The following C4BPA variants were observed in gnomAD, a reference collection of about 807,000 sequenced individuals.
C4BPA encodes C4b-binding protein alpha chain.
Under a neutral mutation model 63.7 loss-of-function variants are expected in C4BPA, and 31 were observed. The observed-to-expected ratio is 0.49, with a 90% CI of 0.37 to 0.66. C4BPA has a LOEUF of 0.66. Ranked by LOEUF, C4BPA falls within the 30% of genes least tolerant of loss-of-function variation. The pLI is 0.00. For missense variants in C4BPA, 572 were observed against 723.3 expected, an observed-to-expected ratio of 0.79 and a Z score of 2.40; for synonymous variants, 259 against 254.7, an observed-to-expected ratio of 1.02 and a Z score of -0.16.
chr1:207,112,350 GT>G (rs61668698), intron 1 of C4BPA, among the ~76,000 whole-genome samples: 3,445 of 114,158 alleles, frequency 0.03, 65 homozygotes, highest in Admixed American at 0.069. Flanking sequence ...CTGCCTTTTT[GT>G]TTTTTTTTTT....
At chr1:207,141,397 A>G in intron 10 of C4BPA, 121 bp downstream of exon 10, 1 of 699,300 alleles carries the variant, frequency 1.4e-6, no homozygotes, top group Non-Finnish European at 2.3e-6. Context: ...TTTATATTAA[A>G]TAATCAATAT....
intron 11 of C4BPA, 43 bp from the exon 12 acceptor site, chr1:207,144,501 G>T: frequency 6.6e-7 from 1 of 1,524,668 alleles, no homozygotes; most frequent in East Asian, 2.3e-5. Flanking sequence ...TTTATGATTA[G>T]AAGAGAAGCT....
At chr1:207,121,416 T>C (rs577807749) in intron 4 of C4BPA, among the ~76,000 whole-genome samples, 12 of 150,202 alleles carry the variant, frequency 8.0e-5, no homozygotes, top group African/African-American at 1.9e-4. Context: ...GATGTCCAAC[T>C]TATGGGATAT....
intron 1 of C4BPA, among the ~76,000 whole-genome samples, chr1:207,105,428 A>G (rs941353999): frequency 6.6e-6 from 1 of 151,910 alleles, no homozygotes; most frequent in East Asian, 1.9e-4. Flanking sequence ...ATGGTGGCAC[A>G]TGTCTGTAAT....
intron 1 of C4BPA, among the ~76,000 whole-genome samples, chr1:207,110,199 G>A (rs1255912727): frequency 2.0e-5 from 3 of 152,166 alleles, no homozygotes; most frequent in African/African-American, 7.2e-5. Context: ...GGTATGTGGA[G>A]GCTTGCTTGG....
intron 7 of C4BPA, among the ~76,000 whole-genome samples, chr1:207,130,396 C>A (rs1239277958): frequency 6.6e-6 from 1 of 152,116 alleles, no homozygotes; most frequent in African/African-American, 2.4e-5. Context: ...TTTTTGCAGT[C>A]CTGCTGAAGT....
intron 7 of C4BPA, chr1:207,127,443 C>T (rs1011377371): frequency 6.6e-6 from 1 of 152,154 alleles, no homozygotes; most frequent in South Asian, 2.1e-4. Context: ...TCAACAAATC[C>T]TCCCAACAAT....
intron 4 of C4BPA, among the ~76,000 whole-genome samples, chr1:207,121,269 G>A (rs987741432): frequency 8.6e-5 from 13 of 151,730 alleles, no homozygotes; most frequent in African/African-American, 3.1e-4. Context: ...TATTTTTCTT[G>A]TCTCATATAC....
intron 1 of C4BPA, among the ~76,000 whole-genome samples, chr1:207,107,038 T>C (rs1207882763): frequency 6.6e-6 from 1 of 152,104 alleles, no homozygotes; most frequent in Non-Finnish European, 1.5e-5. Flanking sequence ...AGCAAATAGA[T>C]AGTTAGGATA....
At chr1:207,140,556 C>T (rs1290863240) in intron 9 of C4BPA, among the ~76,000 whole-genome samples, 1 of 151,228 alleles carries the variant, frequency 6.6e-6, no homozygotes, top group Non-Finnish European at 1.5e-5. Context: ...ATAGTGTTCC[C>T]TTTCAGAGAG....
Position 207,131,670 on chromosome 1 carries a change from C to T in C4BPA, c.1014C>T (p.Pro338=), listed in dbSNP as rs771363349. The change falls in exon 8 of 12, where the codon CCC becomes CCT. Residue 338 remains proline (P), a synonymous_variant. Transcript: ENST00000367070. ...ACCGCTGTCATCCTGGCTACAAACC[C>T]ACTACAGATGAGCCTACGACTGTGA... ...LRYRCHPGYK[P]TTDEPTTVIC... is the part of the protein sequence containing the mutation. 5 of 1,613,916 alleles carry T rather than the reference C, an allele frequency of 3.1e-6. No homozygotes were observed. The highest frequency in any genetic ancestry group is 4.2e-6 in the Non-Finnish European group (5 of 1,179,904).
intron 8 of C4BPA, among the ~76,000 whole-genome samples, chr1:207,133,949 G>A (rs1336133958): frequency 6.6e-6 from 1 of 152,130 alleles, no homozygotes; most frequent in African/African-American, 2.4e-5. Context: ...GTAAATGGAT[G>A]TTGTTTGTCA....
Position 207,124,469 on chromosome 1 carries a change from AAACT to A in C4BPA, c.706+109_706+112del, listed in dbSNP as rs759419196. 6.8e-4 allele frequency: 563 copies of A among 826,002 alleles called. 2 individuals are homozygous for A. The Middle Eastern group carries it at 9.3e-3, about 14-fold the overall frequency. The allele number at this position is 826,002 out of a possible 1,614,324, so 51.2% of individuals were successfully genotyped here. On this transcript the variant is annotated intron_variant, in intron 6 of 11. Transcript: ENST00000367070. ...GGGGGCAAATGGAAAATTCAAAGAT[AAACT>A]AACTATCGCTCTGATGCAATCATTT...
Position 207,143,752 on chromosome 1 carries a change from C to CCGAGACTGTTAT in C4BPA, c.1445-64_1445-53dup, listed in dbSNP as rs1181114345. The CCGAGACTGTTAT allele has an allele frequency of 5.5e-6, 6 of 1,093,696 alleles. No homozygotes were observed. The Admixed American group carries it at 1.1e-4, about 20-fold the overall frequency. 67.7% of individuals were successfully genotyped at this position (1,093,696 alleles called of 1,614,324 possible). ...ACTAAATACAGTTCATTCTTATTAT[C>CCGAGACTGTTAT]CGAGACTGTTATCATGTCCTTCTTC... On this transcript the variant is annotated intron_variant, in intron 10 of 11. Transcript: ENST00000367070.
chr1:207,131,374 T>G (rs1011853439), intron 7 of C4BPA, among the ~76,000 whole-genome samples, 172 bp from the exon 8 acceptor site: 3 of 152,188 alleles, frequency 2.0e-5, no homozygotes, highest in African/African-American at 7.2e-5. Flanking sequence ...GGTGTGCACA[T>G]TTGAGCGAAT....
chr1:207,105,684 C>A (rs1465900554), intron 1 of C4BPA, among the ~76,000 whole-genome samples: 1 of 151,966 alleles, frequency 6.6e-6, no homozygotes, highest in Admixed American at 6.6e-5. Context: ...AGACACTCAG[C>A]CCGAGACTGG....
chr1:207,134,460 A>C lies in C4BPA; in HGVS notation c.1141A>C (p.Ser381Arg), dbSNP rs1558095795. The C allele has an allele frequency of 6.2e-7, 1 of 1,613,860 alleles. No individual in the cohort carries two copies. Among genetic ancestry groups the C allele is most frequent in the African/African-American group, 1.3e-5 (1 of 75,034 alleles). The change falls in exon 9 of 12, where the codon AGT (serine) becomes CGT (arginine). Residue 381 changes from serine (S) to arginine (R), a missense_variant. Around this residue, in one of 2 missense-constraint regions of C4BPA, gnomAD observed 465 missense variants for 629.4 expected, o/e 0.74. Transcript: ENST00000367070. ...TGGTGAAATCACTCAACACAGGAAA[A>C]GTCGTCCTGCCAATCACTGTGTTTA... is the stretch of plus-strand genomic sequence containing the variant. ...NNGEITQHRK[S>R]RPANHCVYFY...
At position 207,124,336 on chromosome 1, in the gene C4BPA, G is replaced by C. The variant is rs117760512; in HGVS notation, c.676G>C (p.Val226Leu). The change falls in exon 6 of 12, where the codon GTT (valine) becomes CTT (leucine). Residue 226 changes from valine to leucine, a missense_variant. By Grantham distance (32) the Val-to-Leu change is conservative. This residue lies in a region of C4BPA where 465 missense variants were observed against 629.4 expected (regional missense o/e 0.74). Coordinates refer to ENST00000367070, the MANE Select transcript of C4BPA (RefSeq NM_000715.4). ...CACTGTGGAGAATGAAACAATAGGT[G>C]TTTGGAGACCAAGCCCTCCTACCTG... ...SCTVENETIG[V>L]WRPSPPTCEK... is the part of the protein sequence containing the mutation. The C allele has an allele frequency of 1.2e-6, 2 of 1,613,192 alleles. No individual in the cohort carries two copies. The highest frequency in any genetic ancestry group is 2.7e-5 in the African/African-American group (2 of 74,992).
intron 1 of C4BPA, among the ~76,000 whole-genome samples, chr1:207,108,038 G>GT (rs1268081137): frequency 6.6e-6 from 1 of 152,154 alleles, no homozygotes; most frequent in African/African-American, 2.4e-5. Context: ...AGTGAATTTA[G>GT]TTTGAAACAT....
Sources: gnomAD v4.1 joint callset for allele counts (sites outside exome capture counted in the v4.1 genomes callset) on GRCh38, gnomAD v4.1.1 for gene constraint, gnomAD v4.1.1 regional missense constraint, MANE v1.5 for transcripts, NCBI Gene and HGNC (gene_info 2026-07-23, HGNC 2026-07-21) for gene names.